The following TRPC5 variants were observed in gnomAD, a reference collection of about 807,000 sequenced individuals.
The protein encoded by TRPC5 is short transient receptor potential channel 5.
In TRPC5, 9 loss-of-function variants were observed where a neutral mutation model predicts 56.5. That is an observed-to-expected ratio of 0.16 (90% CI 0.10 to 0.28). TRPC5 has a LOEUF of 0.28. Among genes scored for constraint, TRPC5 ranks in the 10% least tolerant of loss-of-function variants. The pLI is 1.00. For synonymous variants in TRPC5, 282 were observed against 278.5 expected (o/e 1.01, Z -0.13); for missense variants, 469 against 748.9 (o/e 0.63, Z 4.36).
At chrX:111,852,692 A>G (rs1210514537) in intron 4 of TRPC5, among the ~76,000 whole-genome samples, 1 of 111,847 alleles carries the variant, frequency 8.9e-6, no homozygotes, top group African/African-American at 3.3e-5. Context: ...CATTTTTACT[A>G]TAGTTACTGG....
intron 1 of TRPC5, among the ~76,000 whole-genome samples, chrX:111,963,135 G>A (rs796326532): frequency 2.0e-4 from 23 of 112,312 alleles, no homozygotes; most frequent in East Asian, 5.6e-4. Flanking sequence ...CTAATACTGC[G>A]CTTTTCAACA....
chrX:111,837,864 G>A (rs1922609481), intron 6 of TRPC5, among the ~76,000 whole-genome samples: 1 of 101,870 alleles, frequency 9.8e-6, no homozygotes, highest in Non-Finnish European at 2.0e-5. Context: ...TTGAACCCAC[G>A]AGTTTGAGAC....
Position 111,776,590 on chromosome X carries a change from C to G in TRPC5, c.2645G>C (p.Arg882Thr). Residue 882 changes from arginine to threonine, a missense_variant, in exon 11 of 11, where the codon AGA (arginine) becomes ACA (threonine). Around this residue, in one of 3 missense-constraint regions of TRPC5, gnomAD observed 194 missense variants for 221.8 expected, o/e 0.87. Coordinates refer to ENST00000262839, the MANE Select transcript of TRPC5 (RefSeq NM_012471.3). ...VQQHCMWQDIRYSQMEKGKAE... is the reference protein window; with the variant it reads ...VQQHCMWQDITYSQMEKGKAE... ...TTTCCCTTTCTCCATCTGAGAATAT[C>G]TGATGTCCTGCCACATACAGTGCTG... The G allele has an allele frequency of 2.5e-6, 3 of 1,211,963 alleles. No homozygotes were observed. The highest frequency in any genetic ancestry group is 3.3e-6 in the Non-Finnish European group (3 of 895,595).
At position 111,952,090 on chromosome X, in the gene TRPC5, C is replaced by T. The variant is rs1222929602; in HGVS notation, c.331G>A (p.Ala111Thr). ...LYAIRKEVVG[A>T]VELLLSYRRP... ...CTGTAGCTGAGCAGAAGCTCCACAG[C>T]GCCCACCACTTCCTTGCGTATGGCA... Residue 111 changes from alanine (A) to threonine (T), a missense_variant, in exon 2 of 11, where the codon GCT becomes ACT. Ala to Thr is a moderately conservative substitution (Grantham distance 58). Around this residue, in one of 3 missense-constraint regions of TRPC5, gnomAD observed 118 missense variants for 167.1 expected, o/e 0.71. Coordinates refer to ENST00000262839, the MANE Select transcript of TRPC5 (RefSeq NM_012471.3). 4 of 1,211,770 alleles carry T rather than the reference C, an allele frequency of 3.3e-6. No individual in the cohort carries two copies. The highest frequency in any genetic ancestry group is 4.5e-6 in the Non-Finnish European group (4 of 895,396).
intron 7 of TRPC5, among the ~76,000 whole-genome samples, chrX:111,820,168 T>C (rs1921986940): frequency 8.9e-6 from 1 of 112,333 alleles, no homozygotes. Flanking sequence ...ACATCATGTA[T>C]TTTTTAACAT....
rs1406277281 is a variant in TRPC5 at position 112,025,682 on chromosome X, A to T, written c.-22+56197T>A. 2.7e-5 allele frequency among the ~76,000 whole-genome samples: 3 copies of T among 111,542 alleles called. No individual in the cohort carries two copies. The East Asian group carries it at 8.4e-4, about 31-fold the overall frequency. ...CTCCACAGCTGGTAATCATGATAAA[A>T]CCTAATGAACACCAGAGTCATGTGA... On this transcript the variant is annotated intron_variant, in intron 1 of 10. Coordinates refer to ENST00000262839, the MANE Select transcript of TRPC5 (RefSeq NM_012471.3).
At chrX:111,958,978 A>G (rs1927305817) in intron 1 of TRPC5, among the ~76,000 whole-genome samples, 1 of 112,608 alleles carries the variant, frequency 8.9e-6, no homozygotes, top group Non-Finnish European at 1.9e-5. Context: ...TCTAAAATGA[A>G]GGCAAAAGTA....
At chrX:111,885,542 G>GTT (rs760694250) in intron 3 of TRPC5, among the ~76,000 whole-genome samples, 8 of 97,807 alleles carry the variant, frequency 8.2e-5, no homozygotes, top group African/African-American at 2.9e-4. Context: ...TAATCAAAGG[G>GTT]TTTTTTTTTT....
rs183311830 is a variant in TRPC5 at position 112,077,164 on chromosome X, T to C, written c.-22+4715A>G. Among the ~76,000 whole-genome samples the C allele has an allele frequency of 3.0e-4, 33 of 111,513 alleles. No individual in the cohort carries two copies. In the East Asian group the frequency reaches 7.1e-3, roughly 24 times the overall value. On this transcript the variant is annotated intron_variant, in intron 1 of 10. Transcript: ENST00000262839. ...GAGGCAAAGTGCATGTTTACACAGCTAGTAATTCGTGAGCAGGGCCAGGAT... is the reference window on the plus strand; with the variant it reads ...GAGGCAAAGTGCATGTTTACACAGCCAGTAATTCGTGAGCAGGGCCAGGAT...
Position 111,891,552 on chromosome X carries a change from T to C in TRPC5, c.900+20739A>G, listed in dbSNP as rs142489598. ...GATTATTTTGTTTATTTTATTTTTT[T>C]ATTTTTGAGATGGAGTCTCACACTG... On this transcript the variant is annotated intron_variant, in intron 3 of 10. Coordinates refer to ENST00000262839, the MANE Select transcript of TRPC5 (RefSeq NM_012471.3). Among the ~76,000 whole-genome samples the C allele has an allele frequency of 9.7e-3, 1,075 of 111,393 alleles. 28 individuals carry two copies. The highest frequency in any genetic ancestry group is 0.061 in the Admixed American group (639 of 10,449).
intron 1 of TRPC5, among the ~76,000 whole-genome samples, chrX:112,039,381 G>A (rs1394742711): frequency 1.8e-5 from 2 of 111,742 alleles, no homozygotes; most frequent in Non-Finnish European, 3.8e-5. Flanking sequence ...GGCTCTTAAG[G>A]CTTTCACCCG....
At chrX:111,836,066 G>A (rs980561696) in intron 6 of TRPC5, among the ~76,000 whole-genome samples, 4 of 111,560 alleles carry the variant, frequency 3.6e-5, no homozygotes, top group Non-Finnish European at 7.5e-5. Context: ...CACCTTACTA[G>A]TATGTTTTGA....
At chrX:111,865,316 C>T (rs935717628) in intron 3 of TRPC5, among the ~76,000 whole-genome samples, 4 of 106,065 alleles carry the variant, frequency 3.8e-5, no homozygotes, top group African/African-American at 7.2e-5. Flanking sequence ...TCACTGTGCC[C>T]GGCCTCTAGC....
chrX:111,801,589 T>C (rs1921311886), intron 7 of TRPC5, among the ~76,000 whole-genome samples: 2 of 112,242 alleles, frequency 1.8e-5, no homozygotes, highest in Non-Finnish European at 3.8e-5. Flanking sequence ...GCCATCCTAG[T>C]GTGAACTGGT....
intron 2 of TRPC5, among the ~76,000 whole-genome samples, chrX:111,923,185 A>G (rs991527677): frequency 8.9e-6 from 1 of 112,050 alleles, no homozygotes; most frequent in Non-Finnish European, 1.9e-5. Flanking sequence ...GATTTATTAT[A>G]TCAATAAACA....
At chrX:111,994,464 A>G (rs1030573086) in intron 1 of TRPC5, among the ~76,000 whole-genome samples, 7 of 111,342 alleles carry the variant, frequency 6.3e-5, no homozygotes, top group African/African-American at 2.3e-4. Context: ...CTTGATGGGG[A>G]TGGCATTGAA....
At chrX:111,892,980 T>C (rs1924875633) in intron 3 of TRPC5, among the ~76,000 whole-genome samples, 1 of 111,564 alleles carries the variant, frequency 9.0e-6, no homozygotes, top group Non-Finnish European at 1.9e-5. Context: ...GTAATTCTCA[T>C]AACTGTCATT....
chrX:112,002,623 G>C (rs902493099), intron 1 of TRPC5, among the ~76,000 whole-genome samples: 1 of 111,927 alleles, frequency 8.9e-6, no homozygotes, highest in South Asian at 3.7e-4. Flanking sequence ...ATTCACTAGA[G>C]AGTTGAGGTA....
chrX:111,961,140 G>C (rs1927371370), intron 1 of TRPC5, among the ~76,000 whole-genome samples: 1 of 112,106 alleles, frequency 8.9e-6, no homozygotes, highest in Non-Finnish European at 1.9e-5. Context: ...ATAACAGTTA[G>C]GGAATCTGGA....
Sources: allele counts gnomAD v4.1 joint callset (sites outside exome capture counted in the v4.1 genomes callset), GRCh38; gene constraint gnomAD v4.1.1; regional missense constraint gnomAD v4.1.1; transcripts MANE v1.5; gene names NCBI Gene and HGNC (gene_info 2026-07-23, HGNC 2026-07-21).